PTPRD: variants seen among roughly 807,000 people sequenced by gnomAD.
PTPRD encodes protein tyrosine phosphatase receptor type D.
A neutral mutation model predicts 214.5 loss-of-function variants in PTPRD; 34 were observed. The observed-to-expected ratio is 0.16, with a 90% confidence interval of 0.12 to 0.21. The LOEUF (loss-of-function observed/expected upper bound fraction) is 0.21, where lower values mean the gene tolerates loss of function less well. Ranked by LOEUF, PTPRD falls within the 10% of genes least tolerant of loss-of-function variation. PTPRD has a pLI of 1.00. For missense variants in PTPRD, 2,545 were observed against 2,398.7 expected (o/e 1.06, Z -1.27); for synonymous variants, 1,128 against 845.7 (o/e 1.33, Z -5.79).
intron 14 of PTPRD, among the ~76,000 whole-genome samples, chr9:8,535,598 T>C (rs1234598505): frequency 2.0e-5 from 3 of 151,926 alleles, no homozygotes; most frequent in Non-Finnish European, 4.4e-5. Flanking sequence ...ATTTTTCTTT[T>C]AGTTATTCAG....
At chr9:8,851,199 A>C (rs1601862074) in intron 11 of PTPRD, among the ~76,000 whole-genome samples, 2 of 117,108 alleles carry the variant, frequency 1.7e-5, no homozygotes, top group Non-Finnish European at 3.4e-5. Flanking sequence ...ACTACCATTA[A>C]AGAAAAAAAA....
At chr9:9,476,746 A>AT (rs1340004932) in intron 8 of PTPRD, among the ~76,000 whole-genome samples, 1 of 151,880 alleles carries the variant, frequency 6.6e-6, no homozygotes, top group Non-Finnish European at 1.5e-5. Flanking sequence ...TTTATTTTTT[A>AT]TTTTTTTGCG....
chr9:9,953,077 G>T (rs141616340), intron 4 of PTPRD, among the ~76,000 whole-genome samples: 1 of 152,064 alleles, frequency 6.6e-6, no homozygotes, highest in African/African-American at 2.4e-5. Context: ...AATGCAAAAG[G>T]TGGTGACCCA....
chr9:9,479,263 A>G (rs2095289330), intron 8 of PTPRD, among the ~76,000 whole-genome samples: 1 of 125,398 alleles, frequency 8.0e-6, no homozygotes, highest in Non-Finnish European at 1.6e-5. Flanking sequence ...TTGGAATTAT[A>G]AAACATTTCT....
chr9:8,602,000 C>A (rs2094895086), intron 14 of PTPRD, among the ~76,000 whole-genome samples: 1 of 151,838 alleles, frequency 6.6e-6, no homozygotes, highest in African/African-American at 2.4e-5. Flanking sequence ...ACTGCAAGGA[C>A]AGAAAAGGGT....
At chr9:8,486,940 G>A (rs2097030433) in intron 27 of PTPRD, among the ~76,000 whole-genome samples, 1 of 151,990 alleles carries the variant, frequency 6.6e-6, no homozygotes, top group Admixed American at 6.6e-5. Context: ...ACCCACCTCT[G>A]TCTGGAGTCG....
chr9:8,817,788 G>A (rs1418390687), intron 11 of PTPRD, among the ~76,000 whole-genome samples: 1 of 152,180 alleles, frequency 6.6e-6, no homozygotes, highest in Non-Finnish European at 1.5e-5. Flanking sequence ...TAAATTTCAA[G>A]TAGGTTTCTT....
chr9:9,012,973 G>A (rs1003858621), intron 11 of PTPRD, among the ~76,000 whole-genome samples: 10 of 151,982 alleles, frequency 6.6e-5, no homozygotes, highest in Admixed American at 2.6e-4. Flanking sequence ...AAAATTTTGA[G>A]TGTCTAAATT....
chr9:8,451,277 C>G (rs544382815), intron 33 of PTPRD, among the ~76,000 whole-genome samples: 1 of 152,094 alleles, frequency 6.6e-6, no homozygotes, highest in Non-Finnish European at 1.5e-5. Flanking sequence ...CTTAGATTAA[C>G]CTGTCTGAGG....
At chr9:8,908,445 G>T (rs954553253) in intron 11 of PTPRD, among the ~76,000 whole-genome samples, 2 of 151,974 alleles carry the variant, frequency 1.3e-5, no homozygotes, top group Non-Finnish European at 2.9e-5. Flanking sequence ...GAAAAAAATT[G>T]GGAGATACCC....
intron 2 of PTPRD, among the ~76,000 whole-genome samples, chr9:10,360,518 T>C (rs138567535): frequency 6.6e-6 from 1 of 152,326 alleles, no homozygotes; most frequent in African/African-American, 2.4e-5. Context: ...AGGCAAAGTA[T>C]TGGAAAGGAC....
intron 30 of PTPRD, among the ~76,000 whole-genome samples, chr9:8,473,313 A>G (rs1434696706): frequency 6.6e-6 from 1 of 152,164 alleles, no homozygotes; most frequent in Non-Finnish European, 1.5e-5. Context: ...TTCTCTGCGT[A>G]TGACAGAGAC....
At chr9:8,723,727 T>C (rs73427602) in intron 12 of PTPRD, among the ~76,000 whole-genome samples, 577 of 152,352 alleles carry the variant, frequency 3.8e-3, no homozygotes, top group African/African-American at 0.013. Context: ...TTTCTCTCAC[T>C]CCTTTATAAG....
rs72700341 is a variant in PTPRD at position 8,677,995 on chromosome 9, G to T, written c.65-41151C>A. On this transcript the variant is annotated intron_variant, in intron 12 of 45. Transcript: ENST00000381196. ...GTGGGTGCAGGCCTGCAGGCTGCTTGTGTCTCTCTCTCCTGCTATCTCTGC... is the reference window on the plus strand; with the variant it reads ...GTGGGTGCAGGCCTGCAGGCTGCTTTTGTCTCTCTCTCCTGCTATCTCTGC... Among the ~76,000 whole-genome samples the T allele has an allele frequency of 1.5e-3, 231 of 152,238 alleles. 2 individuals are homozygous for T. Among genetic ancestry groups the T allele is most frequent in the Non-Finnish European group, 6.0e-4 (41 of 68,002 alleles).
chr9:9,773,024 G>C (rs2098765801), intron 5 of PTPRD, among the ~76,000 whole-genome samples: 1 of 152,074 alleles, frequency 6.6e-6, no homozygotes, highest in South Asian at 2.1e-4. Flanking sequence ...TATTCCCATA[G>C]CACATAGGAA....
chr9:10,135,935 A>G (rs1402349748), intron 3 of PTPRD, among the ~76,000 whole-genome samples: 1 of 144,652 alleles, frequency 6.9e-6, no homozygotes, highest in South Asian at 2.4e-4. Flanking sequence ...CAGAATTGTA[A>G]GTTGAATTAA....
intron 11 of PTPRD, among the ~76,000 whole-genome samples, chr9:9,017,238 T>A (rs533237976): frequency 1.1e-4 from 16 of 152,176 alleles, no homozygotes; most frequent in African/African-American, 3.6e-4. Context: ...AAAAAGGAAT[T>A]TTTACTTGTT....
chr9:10,132,033 TA>T lies in PTPRD; in HGVS notation c.-544-98244del, dbSNP rs373606397. Among the ~76,000 whole-genome samples the T allele has an allele frequency of 2.0e-4, 31 of 152,264 alleles. No individual in the cohort carries two copies. In the East Asian group the frequency reaches 5.8e-3, roughly 28 times the overall value. On this transcript the variant is annotated intron_variant, in intron 3 of 45. Transcript: ENST00000381196. The stretch of plus-strand genomic sequence containing the variant: ...TAGCTATTTCTAATAACTACAGTGA[TA>T]AAAGTAGACAATGATATAGAGTAAA...
At chr9:8,696,550 G>C (rs2097914428) in intron 12 of PTPRD, among the ~76,000 whole-genome samples, 1 of 152,126 alleles carries the variant, frequency 6.6e-6, no homozygotes, top group Non-Finnish European at 1.5e-5. Context: ...GGTCCATTTA[G>C]AGTGGTCAGG....
Sources: allele counts gnomAD v4.1 joint callset (sites outside exome capture counted in the v4.1 genomes callset), GRCh38; gene constraint gnomAD v4.1.1; transcripts MANE v1.5; gene names NCBI Gene and HGNC (gene_info 2026-07-23, HGNC 2026-07-21).